Variants in PEX11G observed in about 807,000 individuals in gnomAD.
PEX11G encodes the protein peroxisomal biogenesis factor 11 gamma.
Under a neutral mutation model 22.5 loss-of-function variants are expected in PEX11G, and 20 were observed. The ratio of observed to expected loss-of-function variants is 0.89; its 90% CI spans 0.62 to 1.29. The LOEUF (loss-of-function observed/expected upper bound fraction) is 1.29, where lower values mean the gene tolerates loss of function less well. PEX11G is among the 50% of genes most tolerant of loss of function. PEX11G has a pLI of 0.00. For missense variants in PEX11G, 347 were observed against 331.3 expected (o/e 1.05, Z -0.37); for synonymous variants, 141 against 154.5 (o/e 0.91, Z 0.65).
upstream of PEX11G, chr19:7,489,123 G>GT (rs2021809365): frequency 1.2e-5 from 15 of 1,294,050 alleles, no homozygotes; most frequent in Non-Finnish European, 1.5e-5. Flanking sequence ...GCAGGCCTTT[G>GT]TCCCCCTGAC....
intron 4 of PEX11G, 33 bp downstream of exon 4, chr19:7,478,281 G>T (rs755459789): frequency 6.2e-7 from 1 of 1,601,196 alleles, no homozygotes; most frequent in Non-Finnish European, 8.5e-7. Context: ...TGGAGGGAGT[G>T]GGCCTCCCTG....
intron 3 of PEX11G, among the ~76,000 whole-genome samples, chr19:7,479,067 A>G (rs576559887): frequency 9.9e-5 from 15 of 152,060 alleles, no homozygotes; most frequent in Admixed American, 7.9e-4. Context: ...CCTGGTCACA[A>G]CTCCTCTGGC....
upstream of PEX11G, among the ~76,000 whole-genome samples, chr19:7,491,877 C>T (rs182478993): frequency 4.6e-5 from 7 of 150,586 alleles, no homozygotes; most frequent in East Asian, 1.0e-3. Context: ...AGGCTGGTTT[C>T]GACCTCCTGG....
intron 1 of PEX11G, 105 bp downstream of exon 1, chr19:7,488,846 C>T: frequency 8.4e-7 from 1 of 1,195,188 alleles, no homozygotes; most frequent in South Asian, 1.3e-5. Flanking sequence ...GGGGCCTCTG[C>T]GACGGAGTAT....
At chr19:7,494,963 C>T (rs2021951903) in intron 1 of PEX11G, among the ~76,000 whole-genome samples, 1 of 151,660 alleles carries the variant, frequency 6.6e-6, no homozygotes, top group Non-Finnish European at 1.5e-5. Flanking sequence ...CTTCTGACTT[C>T]TTTCTTTCTT....
At chr19:7,483,630 AG>A (rs1286726353) in intron 2 of PEX11G, among the ~76,000 whole-genome samples, 1 of 152,172 alleles carries the variant, frequency 6.6e-6, no homozygotes, top group African/African-American at 2.4e-5. Context: ...AGGATGCTAT[AG>A]GTGTCAAAAC....
chr19:7,478,494 C>T lies in PEX11G; in HGVS notation c.429-118G>A, dbSNP rs371325518. The T allele has an allele frequency of 2.0e-3, 2,103 of 1,063,008 alleles. 52 individuals carry two copies. The South Asian group carries it at 0.028, about 14-fold the overall frequency. 65.8% of individuals were successfully genotyped at this position (1,063,008 alleles called of 1,614,324 possible). On this transcript the variant is annotated intron_variant, in intron 3 of 4. Transcript: ENST00000221480. Reference sequence around the variant, plus strand: ...TGCTGCATCTCGGATAAACGGCCTGCCCTCTCCCTGCCCCCACAGTCCCAC... The same window carrying T: ...TGCTGCATCTCGGATAAACGGCCTGTCCTCTCCCTGCCCCCACAGTCCCAC...
upstream of PEX11G, chr19:7,489,307 T>C: frequency 8.5e-7 from 1 of 1,172,704 alleles, no homozygotes; most frequent in Non-Finnish European, 1.1e-6. Context: ...TTTAACCAAC[T>C]ACCCACACGC....
chr19:7,484,254 T>TG (rs1274969127), intron 2 of PEX11G, among the ~76,000 whole-genome samples: 5 of 151,838 alleles, frequency 3.3e-5, no homozygotes, highest in Non-Finnish European at 5.9e-5. Flanking sequence ...TTCCGGAGGC[T>TG]GAGGTAGGAG....
chr19:7,481,401 CA>C (rs1478501720), intron 3 of PEX11G, among the ~76,000 whole-genome samples: 1 of 152,152 alleles, frequency 6.6e-6, no homozygotes, highest in Non-Finnish European at 1.5e-5. Context: ...AGGGTTTCAC[CA>C]TGTTGGCCAG....
chr19:7,485,815 T>C (rs1868466165), intron 2 of PEX11G, 23 bp downstream of exon 2: 1 of 1,577,886 alleles, frequency 6.3e-7, no homozygotes, highest in Non-Finnish European at 8.7e-7. Context: ...CCCTACTCCC[T>C]AGAGCCCCAC....
chr19:7,477,219 CGGCCT>C lies in PEX11G; in HGVS notation c.704_708del (p.Gln235ArgfsTer53). 1.3e-6 allele frequency: 2 copies of C among 1,517,068 alleles called. No individual in the cohort carries two copies. Among genetic ancestry groups the C allele is most frequent in the Non-Finnish European group, 8.8e-7 (1 of 1,136,218 alleles). 94.0% of individuals were successfully genotyped at this position (1,517,068 alleles called of 1,614,324 possible). A position where few individuals can be genotyped will look rare whatever the true frequency, so the allele number is the denominator to read the frequency against. ...CGGCAGTGTCAGGGGGTAGTGGCCT[CGGCCT>C]GGCCGCCGGCCCGGGCCGCCTGGTA... On this transcript the variant is annotated frameshift_variant, in exon 5 of 5. Coordinates refer to ENST00000221480, the MANE Select transcript of PEX11G (RefSeq NM_080662.4). LOFTEE classifies it high-confidence loss of function.
upstream of PEX11G, among the ~76,000 whole-genome samples, chr19:7,493,228 G>A (rs951387054): frequency 1.3e-5 from 2 of 151,222 alleles, no homozygotes; most frequent in South Asian, 4.2e-4. Flanking sequence ...AGTCTCACTC[G>A]GTTGCCCAGG....
upstream of PEX11G, among the ~76,000 whole-genome samples, chr19:7,493,651 G>A (rs979525788): frequency 6.6e-6 from 1 of 151,868 alleles, no homozygotes; most frequent in Non-Finnish European, 1.5e-5. Flanking sequence ...GATTACAGGT[G>A]TGTGCCACCA....
Position 7,477,435 on chromosome 19 carries a change from G to A in PEX11G, c.493C>T (p.Pro165Ser), listed in dbSNP as rs1599202244. 7.0e-7 allele frequency: 1 copy of A among 1,436,790 alleles called. No homozygotes were observed. Among genetic ancestry groups the A allele is most frequent in the East Asian group, 2.7e-5 (1 of 37,184 alleles). The allele number at this position is 1,436,790 out of a possible 1,614,324, so 89.0% of individuals were successfully genotyped here. Residue 165 changes from proline (P) to serine (S), a missense_variant and splice_region_variant, in exon 5 of 5, where the codon CCG becomes TCG. Pro to Ser is a moderately conservative substitution (Grantham distance 74, BLOSUM62 -1). Transcript: ENST00000221480. ...LRSPTAPFTS[P>S]LPRGKRRAME... is the part of the protein sequence containing the mutation. ...GCCCTCCGCTTGCCCCGGGGCAGCG[G>A]GCTGTGGGGCAGAGAGGGGCCGCTT...
chr19:7,478,450 A>T, intron 3 of PEX11G, 74 bp from the exon 4 acceptor site: 1 of 1,478,686 alleles, frequency 6.8e-7, no homozygotes, highest in Non-Finnish European at 9.2e-7. Context: ...CTGGCCCCGG[A>T]CATACAGTCT....
At chr19:7,478,547 G>T (rs527950457) in intron 3 of PEX11G, among the ~76,000 whole-genome samples, 171 bp from the exon 4 acceptor site, 7 of 152,166 alleles carry the variant, frequency 4.6e-5, no homozygotes, top group Non-Finnish European at 1.0e-4. Flanking sequence ...TCATGCTCCC[G>T]GGGACTCATC....
intron 3 of PEX11G, among the ~76,000 whole-genome samples, chr19:7,480,659 A>AT (rs1049708115): frequency 1.5e-4 from 23 of 152,290 alleles, no homozygotes; most frequent in African/African-American, 5.5e-4. Flanking sequence ...GTAAGCATGT[A>AT]ATTAGGACAT....
chr19:7,478,254 C>T (rs1977324030), intron 4 of PEX11G, 60 bp downstream of exon 4: 30 of 1,564,630 alleles, frequency 1.9e-5, no homozygotes, highest in East Asian at 2.3e-5. Context: ...GGCTGCGAGC[C>T]GGGATCCCAC....
Sources: allele counts gnomAD v4.1 joint callset (sites outside exome capture counted in the v4.1 genomes callset), GRCh38; gene constraint gnomAD v4.1.1; transcripts MANE v1.5; gene names NCBI Gene and HGNC (gene_info 2026-07-23, HGNC 2026-07-21).